The following CERS6 variants were observed in gnomAD, a reference collection of about 807,000 sequenced individuals.
CERS6 encodes the protein ceramide synthase 6.
Under a neutral mutation model 56.8 loss-of-function variants are expected in CERS6, and 26 were observed. The observed-to-expected ratio is 0.46, with a 90% CI of 0.34 to 0.63. The LOEUF (loss-of-function observed/expected upper bound fraction) is 0.63. Ranked by LOEUF, CERS6 falls within the 30% of genes least tolerant of loss-of-function variation. The probability of loss-of-function intolerance (pLI) is 0.01; values close to 1 mark genes in which losing one functional copy is unlikely to be tolerated. For synonymous variants in CERS6, 164 were observed against 173.3 expected, an observed-to-expected ratio of 0.95 and a Z score of 0.42; for missense variants, 415 against 467.5, an observed-to-expected ratio of 0.89 and a Z score of 1.04.
chr2:168,624,335 C>G (rs1463272946), intron 3 of CERS6, among the ~76,000 whole-genome samples: 1 of 152,066 alleles, frequency 6.6e-6, no homozygotes, highest in Non-Finnish European at 1.5e-5. Flanking sequence ...AATTTATGTG[C>G]TAAAATTTTT....
intron 8 of CERS6, among the ~76,000 whole-genome samples, chr2:168,721,569 TA>T (rs1553512969): frequency 2.3e-5 from 3 of 130,710 alleles, no homozygotes; most frequent in East Asian, 2.3e-4. Context: ...TTTTTTTGTT[TA>T]AAAAAAACCA....
At chr2:168,593,514 T>C (rs773509339) in intron 3 of CERS6, among the ~76,000 whole-genome samples, 5 of 147,786 alleles carry the variant, frequency 3.4e-5, no homozygotes, top group Non-Finnish European at 5.9e-5. Flanking sequence ...TTTCCAACTT[T>C]TGAGTTTCTG....
intron 1 of CERS6, among the ~76,000 whole-genome samples, chr2:168,510,280 A>T (rs960503163): frequency 2.6e-5 from 4 of 152,222 alleles, no homozygotes; most frequent in Non-Finnish European, 5.9e-5. Flanking sequence ...TAATTTGCTG[A>T]TAAAACAACA....
At chr2:168,572,992 A>C (rs548071050) in intron 3 of CERS6, among the ~76,000 whole-genome samples, 1 of 152,120 alleles carries the variant, frequency 6.6e-6, no homozygotes, top group Non-Finnish European at 1.5e-5. Context: ...TATTCTTTCA[A>C]ATGGTCCTAG....
chr2:168,663,409 T>C (rs1230428102), intron 4 of CERS6, among the ~76,000 whole-genome samples: 1 of 152,170 alleles, frequency 6.6e-6, no homozygotes, highest in Non-Finnish European at 1.5e-5. Flanking sequence ...AAAACTATTA[T>C]AATTTTATTT....
At chr2:168,510,868 A>G (rs896141808) in intron 1 of CERS6, among the ~76,000 whole-genome samples, 4 of 152,204 alleles carry the variant, frequency 2.6e-5, no homozygotes, top group African/African-American at 9.6e-5. Flanking sequence ...AAAAGGTAAA[A>G]TAAAATAAAA....
intron 3 of CERS6, among the ~76,000 whole-genome samples, chr2:168,590,848 C>T (rs191331610): frequency 5.3e-5 from 8 of 152,260 alleles, no homozygotes; most frequent in African/African-American, 9.6e-5. Context: ...ATTGGAATAA[C>T]GTGCCCAAAG....
At chr2:168,715,279 G>A (rs1314608005) in intron 7 of CERS6, 150 bp downstream of exon 7, 2 of 565,718 alleles carry the variant, frequency 3.5e-6, no homozygotes, top group Non-Finnish European at 5.6e-6. Flanking sequence ...TGTAGGTTAA[G>A]CTGGTGAAAA....
chr2:168,743,477 A>G (rs1306515517), intron 8 of CERS6, among the ~76,000 whole-genome samples: 3 of 152,210 alleles, frequency 2.0e-5, no homozygotes, highest in African/African-American at 4.8e-5. Context: ...TCTACAAAAA[A>G]TACGAAAAAT....
intron 3 of CERS6, among the ~76,000 whole-genome samples, chr2:168,600,766 C>G (rs1388359415): frequency 6.6e-6 from 1 of 152,124 alleles, no homozygotes; most frequent in Non-Finnish European, 1.5e-5. Flanking sequence ...CTTTCCATTT[C>G]CTATGGTATC....
At chr2:168,643,808 T>C (rs1685103182) in intron 4 of CERS6, among the ~76,000 whole-genome samples, 1 of 152,212 alleles carries the variant, frequency 6.6e-6, no homozygotes. Flanking sequence ...TCCCTCTGTC[T>C]CCTTTCTATA....
intron 1 of CERS6, among the ~76,000 whole-genome samples, chr2:168,458,110 A>G (rs4143278): frequency 0.056 from 8,490 of 152,240 alleles, 341 homozygotes; most frequent in East Asian, 0.18. Context: ...TATGAACTCT[A>G]TACAGTTTTG....
chr2:168,645,089 T>TAAAAAA (rs1559033928), intron 4 of CERS6, among the ~76,000 whole-genome samples: 1 of 10,318 alleles, frequency 9.7e-5, no homozygotes, highest in Non-Finnish European at 2.3e-4. Flanking sequence ...AGACTGCATC[T>TAAAAAA]TAAAAAAAAA....
At chr2:168,691,198 C>A in intron 5 of CERS6, 114 bp downstream of exon 5, 1 of 856,828 alleles carries the variant, frequency 1.2e-6, no homozygotes, top group South Asian at 1.4e-5. Flanking sequence ...TTTTTGGCCC[C>A]ACTCCCGCTG....
intron 8 of CERS6, among the ~76,000 whole-genome samples, chr2:168,720,448 C>T (rs140871234): frequency 3.0e-4 from 46 of 152,192 alleles, no homozygotes; most frequent in African/African-American, 7.7e-4. Context: ...TAACCAGATT[C>T]GACACATTTT....
At chr2:168,518,267 C>T (rs1694918404) in intron 1 of CERS6, among the ~76,000 whole-genome samples, 1 of 152,086 alleles carries the variant, frequency 6.6e-6, no homozygotes, top group African/African-American at 2.4e-5. Context: ...CTATAAATTC[C>T]TAGAAGGTGG....
At chr2:168,614,750 C>T (rs1684275107) in intron 3 of CERS6, among the ~76,000 whole-genome samples, 1 of 152,140 alleles carries the variant, frequency 6.6e-6, no homozygotes, top group Non-Finnish European at 1.5e-5. Context: ...TCAGACGTGC[C>T]TAGCCTTGCC....
chr2:168,712,528 C>T (rs2105385806), intron 6 of CERS6, among the ~76,000 whole-genome samples: 1 of 152,278 alleles, frequency 6.6e-6, no homozygotes, highest in Non-Finnish European at 1.5e-5. Flanking sequence ...GACCCTTAAC[C>T]TCCCAATTTA....
chr2:168,577,050 A>G (rs73969271), intron 3 of CERS6, among the ~76,000 whole-genome samples: 1,749 of 152,274 alleles, frequency 0.011, 34 homozygotes, highest in African/African-American at 0.039. Flanking sequence ...AGGCAGCTGG[A>G]TAGGTGAATG....
Sources: gnomAD v4.1 joint callset for allele counts (sites outside exome capture counted in the v4.1 genomes callset) on GRCh38, gnomAD v4.1.1 for gene constraint, MANE v1.5 for transcripts, NCBI Gene and HGNC (gene_info 2026-07-23, HGNC 2026-07-21) for gene names.